CYP19A1: variants seen among roughly 807,000 people sequenced by gnomAD.
The protein encoded by CYP19A1 is aromatase.
A neutral mutation model predicts 44.4 loss-of-function variants in CYP19A1; 32 were observed. That is an observed-to-expected ratio of 0.72 (90% CI 0.54 to 0.97). The LOEUF is 0.97. CYP19A1 is among the 50% of genes least tolerant of loss of function. The pLI, the probability that CYP19A1 is intolerant of heterozygous loss-of-function variation, is 0.00. For missense variants in CYP19A1, 598 were observed against 637.8 expected, an observed-to-expected ratio of 0.94 and a Z score of 0.67; for synonymous variants, 212 against 215.6, an observed-to-expected ratio of 0.98 and a Z score of 0.14.
At chr15:51,285,968 C>T (rs2035685598) in intron 1 of CYP19A1, among the ~76,000 whole-genome samples, 1 of 152,170 alleles carries the variant, frequency 6.6e-6, no homozygotes, top group Non-Finnish European at 1.5e-5. Context: ...TCCTAAACAC[C>T]TTACTTGCCC....
At chr15:51,245,479 A>C (rs1288540325) in intron 1 of CYP19A1, among the ~76,000 whole-genome samples, 8 of 152,344 alleles carry the variant, frequency 5.3e-5, no homozygotes, top group Non-Finnish European at 8.8e-5. Flanking sequence ...TTCATGTCTA[A>C]AACACCAAAA....
chr15:51,213,222 G>A (rs1595667309), intron 8 of CYP19A1, among the ~76,000 whole-genome samples: 2 of 152,298 alleles, frequency 1.3e-5, no homozygotes, highest in Middle Eastern at 3.4e-3. Flanking sequence ...TGACAAGGAT[G>A]TTCTCCCCAC....
At chr15:51,237,087 G>C in intron 2 of CYP19A1, 78 bp from the exon 3 acceptor site, 1 of 1,513,576 alleles carries the variant, frequency 6.6e-7, no homozygotes, top group Admixed American at 1.8e-5. Flanking sequence ...TCCTGTTTTT[G>C]TTCTTTTATA....
At chr15:51,254,890 C>T (rs1254227415) in intron 1 of CYP19A1, among the ~76,000 whole-genome samples, 1 of 152,108 alleles carries the variant, frequency 6.6e-6, no homozygotes, top group Admixed American at 6.5e-5. Flanking sequence ...GTTGGCATTC[C>T]TCAAATGCAC....
intron 1 of CYP19A1, among the ~76,000 whole-genome samples, chr15:51,296,893 T>A (rs2036006155): frequency 6.6e-6 from 1 of 152,208 alleles, no homozygotes; most frequent in Non-Finnish European, 1.5e-5. Flanking sequence ...AAAAATGAAG[T>A]ATTTTTGAAC....
Position 51,210,292 on chromosome 15 carries a change from T to A in CYP19A1, c.*516A>T, listed in dbSNP as rs2030803927. ...GTCAAATGCTGAATTTCTAAGCATT[T>A]CTCCAAAGACTATGAATGTTGCTTT... On this transcript the variant is annotated 3_prime_UTR_variant, in exon 10 of 10. Transcript: ENST00000396402. The A allele has an allele frequency of 2.2e-6, 1 of 459,956 alleles. No individual in the cohort carries two copies. The highest frequency in any genetic ancestry group is 2.4e-5 in the Admixed American group (1 of 41,686). The allele number at this position is 459,956 out of a possible 1,614,324, so 28.5% of individuals were successfully genotyped here.
rs146277709 is a variant in CYP19A1 at position 51,228,176 on chromosome 15, C to T, written c.297-243G>A. On this transcript the variant is annotated intron_variant, in intron 3 of 9. Transcript: ENST00000396402. The stretch of plus-strand genomic sequence containing the variant: ...ACCAAAGATAGAAAACACACACACA[C>T]ACCCATATACCATTCCTTACTTCTC... Among the ~76,000 whole-genome samples the T allele has an allele frequency of 7.8e-4, 119 of 152,328 alleles. 1 individual carries two copies. The highest frequency in any genetic ancestry group is 2.8e-3 in the African/African-American group (115 of 41,574).
intron 1 of CYP19A1, among the ~76,000 whole-genome samples, chr15:51,317,862 T>C (rs1325314855): frequency 2.0e-5 from 3 of 152,200 alleles, no homozygotes; most frequent in African/African-American, 7.2e-5. Context: ...CCCATCTCAA[T>C]TCTCCTGACA....
intron 1 of CYP19A1, among the ~76,000 whole-genome samples, chr15:51,320,771 T>G (rs1226083529): frequency 1.3e-5 from 2 of 152,238 alleles, no homozygotes; most frequent in East Asian, 3.8e-4. Flanking sequence ...AATCTTAAAT[T>G]GTGTAACACA....
Position 51,212,387 on chromosome 15 carries a change from C to T in CYP19A1, c.1196G>A (p.Gly399Glu). 1 of 1,587,976 alleles carries T rather than the reference C, an allele frequency of 6.3e-7. No homozygotes were observed. Among genetic ancestry groups the T allele is most frequent in the Non-Finnish European group, 8.7e-7 (1 of 1,156,056 alleles). Residue 399 changes from glycine to glutamate, a missense_variant, in exon 9 of 10, where the codon GGA becomes GAA. Transcript: ENST00000396402. Reference protein sequence around the residue: ...KKGTNIILNIGRMHRLEFFPK... With the variant: ...KKGTNIILNIERMHRLEFFPK... Reference sequence around the variant, plus strand: ...GAAAAACTCGAGTCTGTGCATCCTTCCAATATTCAGGATAATGTTTGTCCC... The same window carrying T: ...GAAAAACTCGAGTCTGTGCATCCTTTCAATATTCAGGATAATGTTTGTCCC...
At chr15:51,260,339 A>T (rs1423493579) in intron 1 of CYP19A1, among the ~76,000 whole-genome samples, 1 of 152,230 alleles carries the variant, frequency 6.6e-6, no homozygotes, top group Non-Finnish European at 1.5e-5. Flanking sequence ...AGCCTATAGA[A>T]GCTAACCCAC....
intron 1 of CYP19A1, among the ~76,000 whole-genome samples, chr15:51,290,829 T>G (rs893863813): frequency 6.6e-6 from 1 of 152,214 alleles, no homozygotes; most frequent in African/African-American, 2.4e-5. Flanking sequence ...CAACTGGTCC[T>G]CTAGTGCTGC....
chr15:51,237,023 CAG>C lies in CYP19A1; in HGVS notation c.146-16_146-15del, dbSNP rs768703423. ...AGTAGCCAGGACCTAGGACAGGTGT[CAG>C]AGCATAAGCAACATCTTAGTTACAC... On this transcript the variant is annotated splice_polypyrimidine_tract_variant and intron_variant, in intron 2 of 9. Transcript: ENST00000396402. The C allele has an allele frequency of 6.2e-7, 1 of 1,614,050 alleles. No homozygotes were observed.
At chr15:51,288,346 C>A (rs930610288) in intron 1 of CYP19A1, among the ~76,000 whole-genome samples, 3 of 152,058 alleles carry the variant, frequency 2.0e-5, no homozygotes, top group Non-Finnish European at 4.4e-5. Flanking sequence ...AGCAACTCAC[C>A]GCCCACCCCC....
chr15:51,323,422 T>C (rs1400093524), intron 1 of CYP19A1, among the ~76,000 whole-genome samples: 1 of 151,040 alleles, frequency 6.6e-6, no homozygotes. Flanking sequence ...GGATCAATGA[T>C]AAACGGAGAT....
intron 2 of CYP19A1, among the ~76,000 whole-genome samples, chr15:51,240,171 A>C (rs1244322396): frequency 4.6e-5 from 7 of 150,890 alleles, no homozygotes; most frequent in African/African-American, 1.2e-4. Flanking sequence ...TGTCTTTACT[A>C]CTTTTATATA....
At chr15:51,215,031 T>C (rs1198258681) in intron 8 of CYP19A1, 39 bp downstream of exon 8, 2 of 1,581,058 alleles carry the variant, frequency 1.3e-6, no homozygotes, top group African/African-American at 1.4e-5. Context: ...TCAGAAGAAA[T>C]TGTTTTTAAG....
At chr15:51,319,581 C>A (rs2036490680) in intron 1 of CYP19A1, among the ~76,000 whole-genome samples, 1 of 152,210 alleles carries the variant, frequency 6.6e-6, no homozygotes, top group African/African-American at 2.4e-5. Flanking sequence ...TAAGGGACAA[C>A]TAAACCATGG....
intron 1 of CYP19A1, among the ~76,000 whole-genome samples, chr15:51,254,541 A>G (rs1215530425): frequency 1.3e-5 from 2 of 151,918 alleles, no homozygotes; most frequent in Admixed American, 6.6e-5. Context: ...AATTAGACAA[A>G]CATTCAGTCT....
Sources: allele counts gnomAD v4.1 joint callset (sites outside exome capture counted in the v4.1 genomes callset), GRCh38; gene constraint gnomAD v4.1.1; transcripts MANE v1.5; gene names NCBI Gene and HGNC (gene_info 2026-07-23, HGNC 2026-07-21).